The following TRDN variants were observed in gnomAD, a reference collection of about 807,000 sequenced individuals.
TRDN encodes triadin, also known as triadin in skeletal muscle.
A neutral mutation model predicts 149.7 loss-of-function variants in TRDN; 161 were observed. That is an observed-to-expected ratio of 1.08 (90% CI 0.95 to 1.23). TRDN has a LOEUF of 1.23. Among genes scored for constraint, TRDN ranks in the 50% most tolerant of loss-of-function variants. TRDN has a pLI of 0.00. For missense variants in TRDN, 896 were observed against 823.5 expected, an observed-to-expected ratio of 1.09 and a Z score of -1.08; for synonymous variants, 294 against 250.5, an observed-to-expected ratio of 1.17 and a Z score of -1.64.
intron 1 of TRDN, among the ~76,000 whole-genome samples, chr6:123,574,857 C>T (rs1321867): frequency 0.02 from 991 of 50,340 alleles, 24 homozygotes; most frequent in African/African-American, 0.046. Context: ...TTTATATATA[C>T]ATATATATAT....
chr6:123,267,841 C>T, intron 31 of TRDN, 90 bp from the exon 32 acceptor site: 2 of 965,418 alleles, frequency 2.1e-6, no homozygotes, highest in Non-Finnish European at 3.0e-6. Context: ...CCTCAGTTTA[C>T]CCAAGAGGCA....
At chr6:123,515,938 A>C (rs1258225922) in intron 6 of TRDN, among the ~76,000 whole-genome samples, 1 of 152,120 alleles carries the variant, frequency 6.6e-6, no homozygotes, top group African/African-American at 2.4e-5. Context: ...GAAAGTTACC[A>C]CTTTCCAGTT....
At chr6:123,352,295 T>C (rs1780489949) in intron 21 of TRDN, 1 of 984,976 alleles carries the variant, frequency 1.0e-6, no homozygotes, top group Non-Finnish European at 1.2e-6. Context: ...TCCCCTGATG[T>C]AATTAAACAG....
At chr6:123,345,349 G>C (rs1445141107) in intron 21 of TRDN, among the ~76,000 whole-genome samples, 1 of 151,704 alleles carries the variant, frequency 6.6e-6, no homozygotes, top group African/African-American at 2.4e-5. Context: ...TTTCTCCTTT[G>C]TCAAAGATCA....
At chr6:123,282,280 C>G (rs1459863542) in intron 24 of TRDN, among the ~76,000 whole-genome samples, 1 of 151,784 alleles carries the variant, frequency 6.6e-6, no homozygotes, top group Non-Finnish European at 1.5e-5. Flanking sequence ...TATAGTTTAG[C>G]CTGTTAACAA....
At chr6:123,345,177 T>G (rs936504236) in intron 21 of TRDN, among the ~76,000 whole-genome samples, 2 of 152,058 alleles carry the variant, frequency 1.3e-5, no homozygotes, top group Non-Finnish European at 2.9e-5. Flanking sequence ...GTTTTATGTT[T>G]TACATTTAGG....
At chr6:123,539,414 A>G (rs1780713996) in intron 4 of TRDN, among the ~76,000 whole-genome samples, 1 of 152,214 alleles carries the variant, frequency 6.6e-6, no homozygotes, top group Non-Finnish European at 1.5e-5. Context: ...TTATCAATGT[A>G]TGGCATCACA....
chr6:123,562,533 G>A (rs1301664676), intron 2 of TRDN, among the ~76,000 whole-genome samples: 2 of 152,126 alleles, frequency 1.3e-5, no homozygotes, highest in African/African-American at 4.8e-5. Context: ...TACCAAAACT[G>A]CTGGCAACTT....
rs1051953366 is a variant in TRDN, at chr6:123,385,831, C to T, written c.1135+2691G>A. On this transcript the variant is annotated intron_variant, in intron 14 of 40. Transcript: ENST00000334268. Reference sequence around the variant, plus strand: ...TGAATAAAATCTACCTGGATCTGCTCGTAGAATTCAAGGAGCAGCTAGTGA... The same window carrying T: ...TGAATAAAATCTACCTGGATCTGCTTGTAGAATTCAAGGAGCAGCTAGTGA... Among the ~76,000 whole-genome samples the T allele has an allele frequency of 9.2e-5, 14 of 152,088 alleles. No individual in the cohort carries two copies. In the East Asian group the frequency reaches 9.7e-4, roughly 10 times the overall value.
chr6:123,297,740 C>A (rs1309120964), intron 24 of TRDN, among the ~76,000 whole-genome samples: 1 of 151,974 alleles, frequency 6.6e-6, no homozygotes, highest in African/African-American at 2.4e-5. Flanking sequence ...TTCCAGACAT[C>A]ACAAATTTCT....
At chr6:123,255,634 CTG>C (rs1314246425) in intron 36 of TRDN, among the ~76,000 whole-genome samples, 1 of 152,134 alleles carries the variant, frequency 6.6e-6, no homozygotes, top group East Asian at 1.9e-4. Flanking sequence ...GCAGAACAAA[CTG>C]ATGCTTATTT....
chr6:123,273,001 T>A lies in TRDN; in HGVS notation c.1635A>T (p.Ile545=). ...GAGAAACAGTCTTTTCTGGTTTCAC[T>A]ATGTCTTGTTCTGAAAATAATAAAA... is the stretch of plus-strand genomic sequence containing the variant. ...SEKVQIHKQD[I]VKPEKTVSHG... is the part of the protein sequence containing the mutation. Residue 545 remains isoleucine, a synonymous_variant, in exon 29 of 41, where the codon ATA becomes ATT. Coordinates refer to ENST00000334268, the MANE Select transcript of TRDN (RefSeq NM_006073.4). The A allele has an allele frequency of 1.1e-5, 17 of 1,521,462 alleles. No individual in the cohort carries two copies. Among genetic ancestry groups the A allele is most frequent in the Non-Finnish European group, 1.5e-5 (17 of 1,135,360 alleles). 94.2% of individuals were successfully genotyped at this position (1,521,462 alleles called of 1,614,324 possible). A position where few individuals can be genotyped will look rare whatever the true frequency, so the allele number is the denominator to read the frequency against.
chr6:123,595,740 G>C (rs544525192), intron 1 of TRDN, among the ~76,000 whole-genome samples: 121 of 152,116 alleles, frequency 8.0e-4, no homozygotes, highest in African/African-American at 2.7e-3. Flanking sequence ...TGACGTTACT[G>C]TTGTATTTGT....
intron 23 of TRDN, among the ~76,000 whole-genome samples, chr6:123,316,891 C>G (rs1188346719): frequency 6.6e-6 from 1 of 151,716 alleles, no homozygotes; most frequent in African/African-American, 2.4e-5. Flanking sequence ...GCAATTTTGT[C>G]TTTGACTACC....
chr6:123,341,768 A>G (rs1396323107), intron 21 of TRDN, among the ~76,000 whole-genome samples: 1 of 151,984 alleles, frequency 6.6e-6, no homozygotes, highest in Non-Finnish European at 1.5e-5. Flanking sequence ...ACTATATAAC[A>G]CTTTGTAAAT....
chr6:123,529,824 A>T (rs541332526), intron 5 of TRDN, among the ~76,000 whole-genome samples: 1 of 152,124 alleles, frequency 6.6e-6, no homozygotes, highest in South Asian at 2.1e-4. Flanking sequence ...GCACGCTTAG[A>T]AGAATATATT....
intron 12 of TRDN, among the ~76,000 whole-genome samples, chr6:123,415,988 T>C (rs1356133040): frequency 6.6e-6 from 1 of 152,148 alleles, no homozygotes. Context: ...CCTAAATGTT[T>C]TTGGTTTTGC....
At chr6:123,416,055 C>A (rs1316205983) in intron 12 of TRDN, among the ~76,000 whole-genome samples, 2 of 152,134 alleles carry the variant, frequency 1.3e-5, no homozygotes, top group Non-Finnish European at 2.9e-5. Flanking sequence ...TGGCACTAGT[C>A]TTATCCTTTT....
intron 10 of TRDN, 144 bp from the exon 11 acceptor site, chr6:123,439,147 A>C: frequency 1.6e-6 from 1 of 611,276 alleles, no homozygotes; most frequent in Non-Finnish European, 2.8e-6. Flanking sequence ...ACTAAGTCTT[A>C]TTTTCCTCAT....
Sources: allele counts gnomAD v4.1 joint callset (sites outside exome capture counted in the v4.1 genomes callset), GRCh38; gene constraint gnomAD v4.1.1; transcripts MANE v1.5; gene names NCBI Gene and HGNC (gene_info 2026-07-23, HGNC 2026-07-21).